Variants in CPNE4 observed in about 807,000 individuals in gnomAD.
CPNE4 encodes the protein copine 4.
Under a neutral mutation model 67.9 loss-of-function variants are expected in CPNE4, and 25 were observed. The observed-to-expected ratio is 0.37, with a 90% CI of 0.27 to 0.51. The LOEUF (loss-of-function observed/expected upper bound fraction) is 0.51, where lower values mean the gene tolerates loss of function less well. CPNE4 is among the 20% of genes least tolerant of loss of function. The pLI is 0.93. For missense variants in CPNE4, 464 were observed against 690.8 expected, an observed-to-expected ratio of 0.67 and a Z score of 3.68; for synonymous variants, 242 against 244.9, an observed-to-expected ratio of 0.99 and a Z score of 0.11.
chr3:131,802,976 G>A (rs771279666), intron 2 of CPNE4, among the ~76,000 whole-genome samples: 1 of 152,140 alleles, frequency 6.6e-6, no homozygotes, highest in Non-Finnish European at 1.5e-5. Context: ...TGGAAAACCT[G>A]TATGGACTCA....
At chr3:131,841,167 T>C (rs1429660274) in intron 2 of CPNE4, among the ~76,000 whole-genome samples, 1 of 152,204 alleles carries the variant, frequency 6.6e-6, no homozygotes, top group Non-Finnish European at 1.5e-5. Context: ...GAAAAAAGGA[T>C]AGGGAATCAA....
intron 2 of CPNE4, among the ~76,000 whole-genome samples, chr3:131,741,486 C>T (rs1386936400): frequency 6.6e-6 from 1 of 151,992 alleles, no homozygotes; most frequent in Non-Finnish European, 1.5e-5. Context: ...GAAAAACCTA[C>T]TGATGGAATG....
intron 14 of CPNE4, among the ~76,000 whole-genome samples, chr3:131,547,313 GGCGTGGTGGCACAT>G (rs907323592): frequency 1.3e-5 from 2 of 151,822 alleles, no homozygotes; most frequent in Non-Finnish European, 2.9e-5. Context: ...AAATTAGCTG[GGCGTGGTGGCACAT>G]GCCTTTGGTC....
chr3:131,818,564 C>A (rs549591145), intron 2 of CPNE4, among the ~76,000 whole-genome samples: 2 of 152,352 alleles, frequency 1.3e-5, no homozygotes, highest in African/African-American at 2.4e-5. Context: ...TCAACATCAA[C>A]TGGGAGGCTG....
intron 13 of CPNE4, 136 bp downstream of exon 13, chr3:131,552,304 G>T (rs554722305): frequency 6.7e-4 from 496 of 738,022 alleles, no homozygotes; most frequent in Non-Finnish European, 1.0e-3. Flanking sequence ...GGAGTAGCAT[G>T]GTTTATGTTG....
intron 2 of CPNE4, among the ~76,000 whole-genome samples, chr3:131,795,875 T>C (rs1473613456): frequency 6.6e-6 from 1 of 152,202 alleles, no homozygotes; most frequent in African/African-American, 2.4e-5. Flanking sequence ...CTGTTCCCTT[T>C]TCTCCTCCCT....
chr3:131,580,711 AACT>A (rs1937772351), intron 9 of CPNE4, among the ~76,000 whole-genome samples: 1 of 152,170 alleles, frequency 6.6e-6, no homozygotes, highest in Non-Finnish European at 1.5e-5. Flanking sequence ...GTAAGTACTC[AACT>A]AGTGTCAGCA....
At chr3:131,544,945 A>G (rs1935744684) in intron 14 of CPNE4, among the ~76,000 whole-genome samples, 2 of 152,230 alleles carry the variant, frequency 1.3e-5, no homozygotes, top group Admixed American at 6.5e-5. Flanking sequence ...GCCTTAAGAA[A>G]TAAAACAACC....
rs892590253 is a variant in CPNE4 at position 131,541,076 on chromosome 3, A to C, written c.1539+1481T>G. On this transcript the variant is annotated intron_variant, in intron 15 of 15. Coordinates refer to ENST00000429747, the MANE Select transcript of CPNE4 (RefSeq NM_130808.3). The stretch of plus-strand genomic sequence containing the variant: ...GCAGCAGTGCAGAGGGCAAGGCCTC[A>C]GTGGAAAGTAGGGGCTGGGCATATG... Among the ~76,000 whole-genome samples, 29 of 152,150 alleles carry C rather than the reference A, an allele frequency of 1.9e-4. 1 individual carries two copies. Among genetic ancestry groups the C allele is most frequent in the Non-Finnish European group, 2.1e-4 (14 of 68,024 alleles).
intron 2 of CPNE4, among the ~76,000 whole-genome samples, chr3:131,795,099 A>G (rs541989710): frequency 6.6e-6 from 1 of 152,358 alleles, no homozygotes; most frequent in African/African-American, 2.4e-5. Flanking sequence ...CTATCCCAGC[A>G]GAAAATCTTC....
At chr3:131,651,783 C>A (rs2079821175) in intron 7 of CPNE4, among the ~76,000 whole-genome samples, 1 of 152,192 alleles carries the variant, frequency 6.6e-6, no homozygotes, top group African/African-American at 2.4e-5. Flanking sequence ...TCTTAATGCT[C>A]TTTTCCCTTC....
intron 1 of CPNE4, among the ~76,000 whole-genome samples, chr3:131,929,402 C>T (rs73206089): frequency 0.065 from 9,824 of 152,118 alleles, 418 homozygotes; most frequent in East Asian, 0.13. Context: ...CCCTCCAAAA[C>T]TTTTTCACCC....
chr3:131,550,108 G>A (rs1222739922), intron 13 of CPNE4, 28 bp from the exon 14 acceptor site: 2 of 1,610,772 alleles, frequency 1.2e-6, no homozygotes, highest in African/African-American at 2.7e-5. Context: ...AAGATCAACA[G>A]CTCCAGAGTC....
chr3:131,556,680 T>C (rs1232604834), intron 11 of CPNE4, among the ~76,000 whole-genome samples: 1 of 152,096 alleles, frequency 6.6e-6, no homozygotes, highest in African/African-American at 2.4e-5. Flanking sequence ...AAAATGTGGC[T>C]ATGAAAAGAA....
intron 7 of CPNE4, among the ~76,000 whole-genome samples, chr3:131,654,348 C>G (rs2079893825): frequency 6.6e-6 from 1 of 151,984 alleles, no homozygotes; most frequent in South Asian, 2.1e-4. Flanking sequence ...TTTTGTCACC[C>G]AGGTACTAAG....
chr3:131,852,848 C>T (rs1398538878), intron 2 of CPNE4, among the ~76,000 whole-genome samples: 2 of 150,762 alleles, frequency 1.3e-5, no homozygotes, highest in Non-Finnish European at 3.0e-5. Flanking sequence ...AATAATAATA[C>T]AAAAATATAA....
chr3:131,676,968 G>A (rs571820704), intron 6 of CPNE4, among the ~76,000 whole-genome samples: 8 of 151,930 alleles, frequency 5.3e-5, no homozygotes, highest in East Asian at 1.9e-4. Flanking sequence ...TGTCTTCCAC[G>A]ATGGTTGAAC....
intron 3 of CPNE4, among the ~76,000 whole-genome samples, chr3:131,702,904 T>C (rs2081335655): frequency 6.6e-6 from 1 of 152,198 alleles, no homozygotes; most frequent in African/African-American, 2.4e-5. Context: ...TCTTAGGAAA[T>C]GGGCATTTGG....
At chr3:131,864,497 GCTCT>G (rs1417898643) in intron 2 of CPNE4, among the ~76,000 whole-genome samples, 17 of 151,804 alleles carry the variant, frequency 1.1e-4, no homozygotes, top group South Asian at 2.1e-4. Flanking sequence ...TCATGATTTG[GCTCT>G]CTGTTTGTCT....
Sources: allele counts gnomAD v4.1 joint callset (sites outside exome capture counted in the v4.1 genomes callset), GRCh38; gene constraint gnomAD v4.1.1; transcripts MANE v1.5; gene names NCBI Gene and HGNC (gene_info 2026-07-23, HGNC 2026-07-21).